NCKAP5L: variants seen among roughly 807,000 people sequenced by gnomAD.
NCKAP5L encodes nck-associated protein 5-like.
A neutral mutation model predicts 103.2 loss-of-function variants in NCKAP5L; 54 were observed. The observed-to-expected ratio is 0.52, with a 90% CI of 0.42 to 0.66. NCKAP5L has a LOEUF of 0.66. Among genes scored for constraint, NCKAP5L ranks in the 30% least tolerant of loss-of-function variants. The pLI, the probability that NCKAP5L is intolerant of heterozygous loss-of-function variation, is 0.00. For missense variants in NCKAP5L, 1,733 were observed against 1,750.6 expected (o/e 0.99, Z 0.18); for synonymous variants, 762 against 748.6 (o/e 1.02, Z -0.29).
At chr12:49,827,726 C>T (rs1194497830) in intron 1 of NCKAP5L, among the ~76,000 whole-genome samples, 1 of 152,240 alleles carries the variant, frequency 6.6e-6, no homozygotes, top group Non-Finnish European at 1.5e-5. Context: ...GGTCCTTCCT[C>T]CTTCCCGCAG....
At chr12:49,825,350 G>A (rs1308374146) in intron 1 of NCKAP5L, among the ~76,000 whole-genome samples, 1 of 152,250 alleles carries the variant, frequency 6.6e-6, no homozygotes, top group South Asian at 2.1e-4. Flanking sequence ...GAGACAGTGA[G>A]AGCGGTGGTG....
At chr12:49,816,639 A>T (rs1338168354) in intron 1 of NCKAP5L, among the ~76,000 whole-genome samples, 1 of 151,986 alleles carries the variant, frequency 6.6e-6, no homozygotes, top group African/African-American at 2.4e-5. Context: ...CTTTACTAAA[A>T]ATACAAAAAT....
At chr12:49,819,728 T>C (rs1311887203) in intron 1 of NCKAP5L, among the ~76,000 whole-genome samples, 1 of 152,228 alleles carries the variant, frequency 6.6e-6, no homozygotes, top group East Asian at 1.9e-4. Context: ...TGTGGATAGA[T>C]AGCTGTACTA....
intron 1 of NCKAP5L, among the ~76,000 whole-genome samples, chr12:49,823,747 C>G (rs1946386158): frequency 6.6e-6 from 1 of 152,070 alleles, no homozygotes; most frequent in African/African-American, 2.4e-5. Context: ...TCAGCAGCTG[C>G]TGGTGCTGGG....
chr12:49,795,671 G>A lies in NCKAP5L; in HGVS notation c.2189C>T (p.Ala730Val), dbSNP rs772938903. 3.7e-6 allele frequency: 6 copies of A among 1,612,360 alleles called. No individual in the cohort carries two copies. The South Asian group carries it at 5.5e-5, about 15-fold the overall frequency. ...CTGCTTCAGGCTGTTTGTGCCCAAG[G>A]CCACTGCCCCCCGTATCCCCCCCTT... ...EAKGGIRGAVALGTNSLKQQE... is the reference protein window; with the variant it reads ...EAKGGIRGAVVLGTNSLKQQE... Residue 730 changes from alanine to valine, a missense_variant, in exon 8 of 13, where the codon GCC becomes GTC. By Grantham distance (64) the Ala-to-Val change is moderately conservative. Transcript: ENST00000335999.
chr12:49,827,649 T>C (rs1461422788), intron 1 of NCKAP5L, among the ~76,000 whole-genome samples: 1 of 152,238 alleles, frequency 6.6e-6, no homozygotes, highest in Non-Finnish European at 1.5e-5. Flanking sequence ...GACGCTGCCC[T>C]GTCCCTGCTC....
At chr12:49,815,856 T>C (rs1410285989) in intron 1 of NCKAP5L, among the ~76,000 whole-genome samples, 1 of 152,114 alleles carries the variant, frequency 6.6e-6, no homozygotes, top group Admixed American at 6.5e-5. Flanking sequence ...GTATTTTCCT[T>C]GCCACAAACA....
intron 1 of NCKAP5L, among the ~76,000 whole-genome samples, chr12:49,819,699 G>T (rs544482167): frequency 6.6e-6 from 1 of 152,322 alleles, no homozygotes; most frequent in East Asian, 1.9e-4. Context: ...TGCCTCAAGG[G>T]AAGAAAAGAA....
chr12:49,792,442 T>G lies in NCKAP5L; in HGVS notation c.3792+4A>C. ...CTTTCCCTTTCCTCTGCTGCAATTC[T>G]CACCATGGGGGTCCTGGGCAGCCCC... On this transcript the variant is annotated splice_donor_region_variant and intron_variant, in intron 12 of 12. Transcript: ENST00000335999. This position sits in a 1 kb window ranked among gnomAD's most constrained non-coding sequence, Gnocchi z 4.5. 6.2e-7 allele frequency: 1 copy of G among 1,613,478 alleles called. No individual in the cohort carries two copies. Among genetic ancestry groups the G allele is most frequent in the Non-Finnish European group, 8.5e-7 (1 of 1,179,704 alleles).
intron 2 of NCKAP5L, chr12:49,805,302 G>C (rs1946167653): frequency 6.6e-6 from 1 of 152,266 alleles, no homozygotes; most frequent in African/African-American, 2.4e-5. Flanking sequence ...CTGATGACTA[G>C]ACGAAGCTCA....
chr12:49,791,711 A>C lies in NCKAP5L; in HGVS notation c.*128T>G, dbSNP rs1377135413. On this transcript the variant is annotated 3_prime_UTR_variant, in exon 13 of 13. Transcript: ENST00000335999. ...GGGGTGTGCCAGGGACCCCCTTTTC[A>C]CCTTCTTATCCACCTGCCTCCTTGG... 5 of 771,088 alleles carry C rather than the reference A, an allele frequency of 6.5e-6. No homozygotes were observed. The African/African-American group carries it at 8.9e-5, about 14-fold the overall frequency. 47.8% of individuals were successfully genotyped at this position (771,088 alleles called of 1,614,324 possible).
At chr12:49,798,488 C>T (rs1482327683) in intron 6 of NCKAP5L, 25 bp from the exon 7 acceptor site, 3 of 1,538,932 alleles carry the variant, frequency 1.9e-6, no homozygotes, top group Non-Finnish European at 2.6e-6. Context: ...GCAGAGTTAG[C>T]ACAGTAGCTG....
chr12:49,796,746 T>C lies in NCKAP5L; in HGVS notation c.1114A>G (p.Lys372Glu). 2.5e-6 allele frequency: 4 copies of C among 1,612,842 alleles called. No homozygotes were observed. In the South Asian group the frequency reaches 3.3e-5, roughly 13 times the overall value. ...GCTGACTTGGGGAGGCCTTTGGACT[T>C]AGACAGCTGTGGGGGCGCCTGGTCT... is the stretch of plus-strand genomic sequence containing the variant. Reference protein sequence around the residue: ...SPDQAPPQLSKSKGLPKSAWG... With the variant: ...SPDQAPPQLSESKGLPKSAWG... Residue 372 changes from lysine (K) to glutamate (E), a missense_variant, in exon 8 of 13, where the codon AAG becomes GAG. Transcript: ENST00000335999.
chr12:49,798,595 CTCTT>C, intron 6 of NCKAP5L, 132 bp from the exon 7 acceptor site: 1 of 749,884 alleles, frequency 1.3e-6, no homozygotes, highest in Non-Finnish European at 2.3e-6. Context: ...CCAAATGCAG[CTCTT>C]GCTGCTGCCC....
intron 6 of NCKAP5L, among the ~76,000 whole-genome samples, chr12:49,799,928 G>A (rs144646844): frequency 0.035 from 5,261 of 152,290 alleles, 143 homozygotes; most frequent in East Asian, 0.13. Context: ...GGGCATGGTG[G>A]CTCATGCCTG....
In NCKAP5L at chr12:49,792,210, A is replaced by G; in HGVS notation, c.3793-159T>C. ...TTCAGAGGAAACAGGCTGGAGGTAC[A>G]ACTGAGAACAGTCCTACAAGGTTCT... On this transcript the variant is annotated intron_variant, in intron 12 of 12. Coordinates refer to ENST00000335999, the MANE Select transcript of NCKAP5L (RefSeq NM_001037806.4). This position sits in a 1 kb window ranked among gnomAD's most constrained non-coding sequence, Gnocchi z 4.5. 9.5e-7 allele frequency: 1 copy of G among 1,048,852 alleles called. No homozygotes were observed. The highest frequency in any genetic ancestry group is 1.4e-5 in the South Asian group (1 of 71,530). The allele number at this position is 1,048,852 out of a possible 1,614,324, so 65.0% of individuals were successfully genotyped here. A position where few individuals can be genotyped will look rare whatever the true frequency, so the allele number is the denominator to read the frequency against.
At chr12:49,818,008 A>G (rs1946317547) in intron 1 of NCKAP5L, among the ~76,000 whole-genome samples, 1 of 152,076 alleles carries the variant, frequency 6.6e-6, no homozygotes, top group South Asian at 2.1e-4. Flanking sequence ...TCATGCCTGT[A>G]ATTCCAGCTA....
chr12:49,821,594 C>T (rs1592763283), intron 1 of NCKAP5L, among the ~76,000 whole-genome samples: 1 of 152,368 alleles, frequency 6.6e-6, no homozygotes, highest in Middle Eastern at 3.4e-3. Flanking sequence ...GCACGGGCCA[C>T]CCCCAACACT....
intron 5 of NCKAP5L, chr12:49,802,227 C>A (rs1478225406): frequency 5.3e-6 from 2 of 378,550 alleles, no homozygotes; most frequent in Non-Finnish European, 9.4e-6. Context: ...TCTTTCTCAT[C>A]CCTAGAATCG....
Sources: allele counts gnomAD v4.1 joint callset (sites outside exome capture counted in the v4.1 genomes callset), GRCh38; gene constraint gnomAD v4.1.1; non-coding constraint Gnocchi (gnomAD v3.1); transcripts MANE v1.5; gene names NCBI Gene and HGNC (gene_info 2026-07-23, HGNC 2026-07-21).